The following CDH12 variants were observed in gnomAD, a reference collection of about 807,000 sequenced individuals.
CDH12 encodes cadherin 12.
Under a neutral mutation model 74.1 loss-of-function variants are expected in CDH12, and 41 were observed. The ratio of observed to expected loss-of-function variants is 0.55; its 90% CI spans 0.43 to 0.72. CDH12 has a LOEUF of 0.72. Among genes scored for constraint, CDH12 ranks in the 30% least tolerant of loss-of-function variants. The pLI, the probability that CDH12 is intolerant of heterozygous loss-of-function variation, is 0.00. For synonymous variants in CDH12, 399 were observed against 355.0 expected, an observed-to-expected ratio of 1.12 and a Z score of -1.39; for missense variants, 945 against 977.2, an observed-to-expected ratio of 0.97 and a Z score of 0.44.
intron 9 of CDH12, among the ~76,000 whole-genome samples, chr5:21,813,338 G>A (rs889283606): frequency 6.6e-6 from 1 of 152,044 alleles, no homozygotes; most frequent in African/African-American, 2.4e-5. Flanking sequence ...AAATTAGCCA[G>A]GCATGTTGGC....
chr5:21,814,721 C>T (rs1747947231), intron 9 of CDH12, among the ~76,000 whole-genome samples: 1 of 150,120 alleles, frequency 6.7e-6, no homozygotes, highest in Admixed American at 6.6e-5. Flanking sequence ...CTTAATTTTA[C>T]TTTGGAAGTA....
intron 4 of CDH12, among the ~76,000 whole-genome samples, chr5:22,192,550 A>G (rs557468247): frequency 6.6e-6 from 1 of 152,110 alleles, no homozygotes; most frequent in Non-Finnish European, 1.5e-5. Context: ...GACAGCATGG[A>G]TAAAAGTCAC....
At chr5:22,707,913 G>A (rs116466998) in intron 1 of CDH12, among the ~76,000 whole-genome samples, 2,450 of 152,142 alleles carry the variant, frequency 0.016, 37 homozygotes, top group Middle Eastern at 0.051. Context: ...CTATTTCTGA[G>A]AAACTGTAGT....
At chr5:21,942,374 A>T (rs1192917167) in intron 6 of CDH12, among the ~76,000 whole-genome samples, 1 of 149,100 alleles carries the variant, frequency 6.7e-6, no homozygotes, top group Non-Finnish European at 1.5e-5. Flanking sequence ...ACACACACAC[A>T]CACACACACA....
chr5:22,071,150 A>C (rs1741914339), intron 5 of CDH12, among the ~76,000 whole-genome samples: 1 of 152,134 alleles, frequency 6.6e-6, no homozygotes, highest in Admixed American at 6.6e-5. Context: ...AAATTTAAAA[A>C]TAATAATAAA....
chr5:22,282,015 ACCAAAACTGCATGATACTG>A lies in CDH12; in HGVS notation c.-332-69391_-332-69373del, dbSNP rs1207660421. On this transcript the variant is annotated intron_variant, in intron 3 of 14. Transcript: ENST00000382254. ...GTAACCAAAACTGCATGATACTGGT[ACCAAAACTGCATGATACTG>A]GTACCAAAACAGATATGTAGACCAA... 5.8e-3 allele frequency among the ~76,000 whole-genome samples: 9 copies of A among 1,550 alleles called. No individual in the cohort carries two copies. In the Admixed American group the frequency reaches 0.076, roughly 13 times the overall value. The allele number at this position is 1,550 out of a possible 152,430, so 1.0% of individuals were successfully genotyped here.
chr5:22,681,251 GTGTGTGTGTGTGTA>G (rs1413626030), intron 1 of CDH12, among the ~76,000 whole-genome samples: 1 of 151,474 alleles, frequency 6.6e-6, no homozygotes, highest in Admixed American at 6.6e-5. Flanking sequence ...GTGTGTGTGT[GTGTGTGTGTGTGTA>G]TTAGATAAGT....
chr5:22,806,405 T>C (rs1748807991), intron 1 of CDH12, among the ~76,000 whole-genome samples: 1 of 147,522 alleles, frequency 6.8e-6, no homozygotes, highest in Non-Finnish European at 1.5e-5. Context: ...CAGGCTGGAG[T>C]GCAGTGGCGC....
intron 3 of CDH12, among the ~76,000 whole-genome samples, chr5:22,223,542 A>C (rs1235245221): frequency 6.6e-6 from 1 of 152,000 alleles, no homozygotes; most frequent in Admixed American, 6.6e-5. Context: ...TTTATGGTTA[A>C]GTTTTACATT....
chr5:22,273,112 T>C (rs186131858), intron 3 of CDH12, among the ~76,000 whole-genome samples: 11 of 152,270 alleles, frequency 7.2e-5, no homozygotes, highest in Admixed American at 2.6e-4. Flanking sequence ...GGGATTACAA[T>C]TGGATTGCAA....
At position 21,919,577 on chromosome 5, in the gene CDH12, G is replaced by A. The variant is rs374721193; in HGVS notation, c.526+55514C>T. ...TTCCTTTGCACAGTCTGTCATTTTC[G>A]CAGGCCAACCCCTAGCCACGTGCAG... On this transcript the variant is annotated intron_variant, in intron 6 of 14. Coordinates refer to ENST00000382254, the MANE Select transcript of CDH12 (RefSeq NM_004061.5). Among the ~76,000 whole-genome samples, 10 of 151,742 alleles carry A rather than the reference G, an allele frequency of 6.6e-5. 1 individual carries two copies. The South Asian group carries it at 8.3e-4, about 13-fold the overall frequency.
At chr5:21,881,439 G>T (rs1441066796) in intron 6 of CDH12, among the ~76,000 whole-genome samples, 1 of 152,286 alleles carries the variant, frequency 6.6e-6, no homozygotes, top group South Asian at 2.1e-4. Context: ...TTAGTTAAGT[G>T]GTGGAGCTGG....
At chr5:22,735,059 C>G (rs1270453032) in intron 1 of CDH12, among the ~76,000 whole-genome samples, 1 of 151,900 alleles carries the variant, frequency 6.6e-6, no homozygotes, top group East Asian at 1.9e-4. Flanking sequence ...ACATCAGTAT[C>G]TGAATTGCTG....
intron 1 of CDH12, among the ~76,000 whole-genome samples, chr5:22,796,940 A>C (rs948471582): frequency 2.0e-5 from 3 of 151,996 alleles, no homozygotes; most frequent in Non-Finnish European, 2.9e-5. Flanking sequence ...TTTAAAACTG[A>C]CTCTGTGTCT....
intron 4 of CDH12, among the ~76,000 whole-genome samples, chr5:22,175,283 A>G (rs891539365): frequency 2.6e-5 from 4 of 151,920 alleles, no homozygotes; most frequent in South Asian, 2.1e-4. Flanking sequence ...TAATGTACAG[A>G]CACATTTTTC....
In CDH12 at chr5:21,930,761, G is replaced by T. The variant is rs1041571676; in HGVS notation, c.526+44330C>A. Reference sequence around the variant, plus strand: ...CATAAAAAAGTTGTAACATACAATTGTTGAGGTTAATGAAATAATTCATAG... The same window carrying T: ...CATAAAAAAGTTGTAACATACAATTTTTGAGGTTAATGAAATAATTCATAG... On this transcript the variant is annotated intron_variant, in intron 6 of 14. Transcript: ENST00000382254. Among the ~76,000 whole-genome samples the T allele has an allele frequency of 2.6e-5, 4 of 152,192 alleles. No homozygotes were observed. The South Asian group carries it at 8.3e-4, about 31-fold the overall frequency.
intron 1 of CDH12, among the ~76,000 whole-genome samples, chr5:22,629,307 A>C (rs1738460289): frequency 6.6e-6 from 1 of 151,878 alleles, no homozygotes; most frequent in South Asian, 2.1e-4. Flanking sequence ...CATAAACACA[A>C]ACACACACAA....
chr5:22,819,889 G>T (rs1749583094), intron 1 of CDH12, among the ~76,000 whole-genome samples: 1 of 147,656 alleles, frequency 6.8e-6, no homozygotes, highest in Non-Finnish European at 1.5e-5. Context: ...TTTATATCCA[G>T]ATATAAGATA....
At chr5:22,153,628 G>C (rs1747764403) in intron 4 of CDH12, among the ~76,000 whole-genome samples, 1 of 150,688 alleles carries the variant, frequency 6.6e-6, no homozygotes, top group South Asian at 2.1e-4. Context: ...GAGTTACAGT[G>C]GTATTATCTC....
Sources: allele counts gnomAD v4.1 joint callset (sites outside exome capture counted in the v4.1 genomes callset), GRCh38; gene constraint gnomAD v4.1.1; transcripts MANE v1.5; gene names NCBI Gene and HGNC (gene_info 2026-07-23, HGNC 2026-07-21).